The following DAB1 variants were observed in gnomAD, a reference collection of about 807,000 sequenced individuals.
DAB1 encodes disabled homolog 1.
Under a neutral mutation model 64.6 loss-of-function variants are expected in DAB1, and 15 were observed. The observed-to-expected ratio is 0.23, with a 90% CI of 0.16 to 0.36. The LOEUF (loss-of-function observed/expected upper bound fraction) is 0.36, where lower values mean the gene tolerates loss of function less well. Ranked by LOEUF, DAB1 falls within the 10% of genes least tolerant of loss-of-function variation. The pLI is 1.00. For missense variants in DAB1, 596 were observed against 706.7 expected (o/e 0.84, Z 1.78); for synonymous variants, 235 against 251.9 (o/e 0.93, Z 0.64).
At chr1:58,422,259 C>T (rs762877063) in intron 3 of DAB1, among the ~76,000 whole-genome samples, 1 of 150,646 alleles carries the variant, frequency 6.6e-6, no homozygotes, top group East Asian at 1.9e-4. Flanking sequence ...ATTCATGGTA[C>T]GTGCTTGGAG....
chr1:58,279,446 A>G (rs1184946920), intron 4 of DAB1, among the ~76,000 whole-genome samples: 2 of 152,216 alleles, frequency 1.3e-5, no homozygotes, highest in Admixed American at 6.5e-5. Flanking sequence ...AGAGATTGTA[A>G]GGTGAGAACC....
intron 1 of DAB1, among the ~76,000 whole-genome samples, chr1:57,828,997 A>T (rs1240067472): frequency 6.6e-6 from 1 of 152,172 alleles, no homozygotes; most frequent in Non-Finnish European, 1.5e-5. Flanking sequence ...TATTTCAGTT[A>T]ATCTATCACC....
At chr1:58,034,703 G>A (rs12746931) in intron 5 of DAB1, among the ~76,000 whole-genome samples, 50,644 of 152,060 alleles carry the variant, frequency 0.33, 10,279 homozygotes, top group Non-Finnish European at 0.45. Flanking sequence ...CATCCCAAAG[G>A]AGAAATGCAA....
At chr1:57,116,483 AG>A (rs1379081620) in intron 4 of DAB1, among the ~76,000 whole-genome samples, 7 of 147,216 alleles carry the variant, frequency 4.8e-5, no homozygotes, top group African/African-American at 1.7e-4. Context: ...AAAAAAAAAA[AG>A]AAAGAAAGCA....
At chr1:57,553,442 G>GAAAGAAAGAAAGAGAA (rs59263518) in intron 7 of DAB1, among the ~76,000 whole-genome samples, 6 of 68,192 alleles carry the variant, frequency 8.8e-5, no homozygotes, top group African/African-American at 2.5e-4. Flanking sequence ...AAGAAAGAAA[G>GAAAGAAAGAAAGAGAA]AGAAAGAAAG....
chr1:58,389,017 T>C (rs1644455965), intron 3 of DAB1, among the ~76,000 whole-genome samples: 1 of 152,182 alleles, frequency 6.6e-6, no homozygotes, highest in Non-Finnish European at 1.5e-5. Flanking sequence ...ACATTGATAG[T>C]GCTTTCAGTA....
At chr1:57,028,531 C>G (rs942938072) in intron 9 of DAB1, among the ~76,000 whole-genome samples, 1 of 152,098 alleles carries the variant, frequency 6.6e-6, no homozygotes, top group African/African-American at 2.4e-5. Flanking sequence ...GAGGTTGAAA[C>G]AGTATGAAGG....
chr1:58,470,269 G>A (rs527496512), intron 3 of DAB1, among the ~76,000 whole-genome samples: 1 of 152,078 alleles, frequency 6.6e-6, no homozygotes, highest in South Asian at 2.1e-4. Flanking sequence ...TGCCTCACAG[G>A]TTCAAGAGAT....
chr1:57,496,708 CATTAGAAATA>C (rs1644234950), intron 7 of DAB1, among the ~76,000 whole-genome samples: 1 of 152,136 alleles, frequency 6.6e-6, no homozygotes, highest in Non-Finnish European at 1.5e-5. Context: ...CTCGAAAGAA[CATTAGAAATA>C]ATCTAATTTC....
chr1:58,388,691 C>A (rs1019002753), intron 3 of DAB1, among the ~76,000 whole-genome samples: 1 of 152,154 alleles, frequency 6.6e-6, no homozygotes, highest in African/African-American at 2.4e-5. Context: ...CATTATAAAC[C>A]AAGTACAATC....
At chr1:58,106,466 G>A (rs1043805289) in intron 5 of DAB1, among the ~76,000 whole-genome samples, 1 of 152,244 alleles carries the variant, frequency 6.6e-6, no homozygotes, top group Non-Finnish European at 1.5e-5. Context: ...ATACAGGCAT[G>A]AGCCTTTGTG....
At chr1:57,298,901 T>G (rs1006770371) in intron 1 of DAB1, among the ~76,000 whole-genome samples, 8 of 152,200 alleles carry the variant, frequency 5.3e-5, no homozygotes, top group African/African-American at 9.6e-5. Context: ...CTATAGAACT[T>G]TTTTTCCCTT....
chr1:57,457,696 G>A (rs1388408043), intron 7 of DAB1, among the ~76,000 whole-genome samples: 1 of 152,070 alleles, frequency 6.6e-6, no homozygotes, highest in African/African-American at 2.4e-5. Context: ...AACTGACACT[G>A]GGAACAATGG....
chr1:58,127,813 A>G (rs1653232365), intron 5 of DAB1, among the ~76,000 whole-genome samples: 2 of 151,458 alleles, frequency 1.3e-5, no homozygotes, highest in Non-Finnish European at 1.5e-5. Flanking sequence ...TGTTCCATTG[A>G]TCTATATCTC....
At chr1:58,075,960 C>T (rs1269526277) in intron 5 of DAB1, among the ~76,000 whole-genome samples, 1 of 152,144 alleles carries the variant, frequency 6.6e-6, no homozygotes, top group Non-Finnish European at 1.5e-5. Flanking sequence ...CACACACACA[C>T]ACACAAACAC....
chr1:57,957,950 G>A (rs10493233), intron 5 of DAB1, among the ~76,000 whole-genome samples: 53,582 of 151,908 alleles, frequency 0.35, 10,613 homozygotes, highest in Admixed American at 0.47. Flanking sequence ...TGTTCTGACA[G>A]TGACTGTAAG....
intron 4 of DAB1, among the ~76,000 whole-genome samples, chr1:58,212,511 T>C (rs1658610489): frequency 6.6e-6 from 1 of 152,182 alleles, no homozygotes; most frequent in Non-Finnish European, 1.5e-5. Flanking sequence ...ATCCAGGCCA[T>C]CTGGTTGGTT....
intron 5 of DAB1, among the ~76,000 whole-genome samples, chr1:57,931,471 C>T (rs189587408): frequency 4.1e-4 from 63 of 152,280 alleles, no homozygotes; most frequent in African/African-American, 1.4e-3. Context: ...ACCAGTGAAT[C>T]CATCTAGGCC....
chr1:58,379,467 A>G (rs1228392195), intron 3 of DAB1, among the ~76,000 whole-genome samples: 1 of 152,222 alleles, frequency 6.6e-6, no homozygotes, highest in Admixed American at 6.5e-5. Context: ...AAATATTCGC[A>G]CTGGAAACTC....
Sources: allele counts gnomAD v4.1 joint callset (sites outside exome capture counted in the v4.1 genomes callset), GRCh38; gene constraint gnomAD v4.1.1; transcripts MANE v1.5; gene names NCBI Gene and HGNC (gene_info 2026-07-23, HGNC 2026-07-21).